The following KTN1 variants were observed in gnomAD, a reference collection of about 807,000 sequenced individuals.
The protein encoded by KTN1 is kinectin.
In KTN1, 130 loss-of-function variants were observed where a neutral mutation model predicts 222.5. That is an observed-to-expected ratio of 0.58 (90% CI 0.51 to 0.68). KTN1 has a LOEUF of 0.68. Among genes scored for constraint, KTN1 ranks in the 30% least tolerant of loss-of-function variants. The pLI, the probability that KTN1 is intolerant of heterozygous loss-of-function variation, is 0.00. For synonymous variants in KTN1, 512 were observed against 496.3 expected, an observed-to-expected ratio of 1.03 and a Z score of -0.42; for missense variants, 1,508 against 1,500.4, an observed-to-expected ratio of 1.01 and a Z score of -0.08.
intron 1 of KTN1, among the ~76,000 whole-genome samples, chr14:55,597,072 A>AC (rs2035171946): frequency 6.6e-6 from 1 of 152,126 alleles, no homozygotes; most frequent in African/African-American, 2.4e-5. Flanking sequence ...TGAAAAAAAA[A>AC]ATCCAAAGGG....
chr14:55,637,069 A>C, intron 10 of KTN1, 129 bp from the exon 11 acceptor site: 1 of 597,842 alleles, frequency 1.7e-6, no homozygotes. Context: ...CTGCTACAGG[A>C]GCATGCAAGA....
chr14:55,662,911 A>G (rs1293816911), intron 32 of KTN1: 1 of 456,104 alleles, frequency 2.2e-6, no homozygotes, highest in Non-Finnish European at 4.4e-6. Flanking sequence ...TAAGGAGGGC[A>G]TGGTAATGCA....
intron 6 of KTN1, among the ~76,000 whole-genome samples, chr14:55,629,654 G>A (rs1471927754): frequency 6.6e-6 from 1 of 152,154 alleles, no homozygotes; most frequent in Non-Finnish European, 1.5e-5. Flanking sequence ...GTGTAATCAA[G>A]TTAGAATGTA....
chr14:55,592,709 TCA>T (rs1175968981), intron 1 of KTN1, among the ~76,000 whole-genome samples: 1 of 152,240 alleles, frequency 6.6e-6, no homozygotes. Context: ...TGTAAATATT[TCA>T]CAGTGATGCC....
intron 31 of KTN1, chr14:55,661,301 G>A (rs1224231016): frequency 4.9e-6 from 2 of 411,598 alleles, no homozygotes; most frequent in Non-Finnish European, 8.6e-6. Context: ...GCACAAGCCT[G>A]AGCATACCAT....
chr14:55,616,128 A>G (rs1233850084), intron 2 of KTN1, among the ~76,000 whole-genome samples: 1 of 151,848 alleles, frequency 6.6e-6, no homozygotes, highest in East Asian at 1.9e-4. Flanking sequence ...ATGAGGTTTC[A>G]CCACTTTGCC....
intron 32 of KTN1, 89 bp downstream of exon 32, chr14:55,661,701 A>C (rs2044159978): frequency 6.2e-6 from 4 of 644,764 alleles, no homozygotes. Context: ...ATCTACTTTT[A>C]CTTTAGATTT....
chr14:55,668,263 A>G (rs1476567536), intron 34 of KTN1: 5 of 151,978 alleles, frequency 3.3e-5, no homozygotes, highest in Non-Finnish European at 5.9e-5. Context: ...TTTAATCAGG[A>G]TCCGAATAAG....
intron 5 of KTN1, among the ~76,000 whole-genome samples, chr14:55,622,555 A>C (rs1473055695): frequency 6.6e-6 from 1 of 152,078 alleles, no homozygotes; most frequent in East Asian, 1.9e-4. Flanking sequence ...TCTGCTATTC[A>C]ATATTAGATG....
chr14:55,637,390 T>A (rs12433724), intron 11 of KTN1, 26 bp downstream of exon 11: 121,158 of 1,316,918 alleles, frequency 0.092, 4,178 homozygotes, highest in African/African-American at 0.17. Flanking sequence ...TTTTTTTTTT[T>A]AAAAAAATAC....
At chr14:55,644,503 G>C in intron 18 of KTN1, 1 of 668,122 alleles carries the variant, frequency 1.5e-6, no homozygotes, top group Non-Finnish European at 2.8e-6. Flanking sequence ...TAGGCTTGCA[G>C]ATGGTCAGAT....
rs2040053452 is a variant in KTN1 at position 55,627,957 on chromosome 14, A to G, written c.1009A>G (p.Lys337Glu). The G allele has an allele frequency of 6.2e-7, 1 of 1,613,952 alleles. No homozygotes were observed. Among genetic ancestry groups the G allele is most frequent in the Non-Finnish European group, 8.5e-7 (1 of 1,179,846 alleles). ...TACGCTTATACATCAGCTTCAAGAAAAGGACAAGTTACTCGCTGCTGTGAA... is the reference window on the plus strand; with the variant it reads ...TACGCTTATACATCAGCTTCAAGAAGAGGACAAGTTACTCGCTGCTGTGAA... ...LTTLIHQLQE[K>E]DKLLAAVKED... Residue 337 changes from lysine to glutamate, a missense_variant, in exon 6 of 44, where the codon AAG (lysine) becomes GAG (glutamate). By Grantham distance (56) the Lys-to-Glu change is moderately conservative. Coordinates refer to ENST00000395314, the MANE Select transcript of KTN1 (RefSeq NM_001079521.2).
rs536026007 is a variant in KTN1, at chr14:55,662,842, G to A, written c.3091-1113G>A. ...GCATTGCTTAGCCACAAAACTTGAG[G>A]TGAACTTGCCGATATACTGCTAACA... On this transcript the variant is annotated intron_variant, in intron 32 of 43. Transcript: ENST00000395314. 5.3e-4 allele frequency: 243 copies of A among 455,940 alleles called. 1 individual carries two copies. Among genetic ancestry groups the A allele is most frequent in the African/African-American group, 4.4e-3 (220 of 50,194 alleles). The allele number at this position is 455,940 out of a possible 1,614,324, so 28.2% of individuals were successfully genotyped here.
intron 31 of KTN1, among the ~76,000 whole-genome samples, chr14:55,660,216 C>A (rs150846516): frequency 6.6e-6 from 1 of 151,896 alleles, no homozygotes; most frequent in African/African-American, 2.4e-5. Context: ...CTCGTCTCTA[C>A]GAAAAGTTTA....
rs534439479 is a variant in KTN1, at chr14:55,580,253, TGCGGCG to T, written c.-110_-105del. 0.3 allele frequency: 46,165 copies of T among 153,386 alleles called. 7,441 individuals are homozygous for T. The highest frequency in any genetic ancestry group is 0.38 in the South Asian group (2,057 of 5,480). The allele number at this position is 153,386 out of a possible 1,614,324, so 9.5% of individuals were successfully genotyped here. A position where few individuals can be genotyped will look rare whatever the true frequency, so the allele number is the denominator to read the frequency against. ...AGCGGCGCGACGGCACCTGAGCGAC[TGCGGCG>T]GCGGCGGCGGCGGCGGCGGCGCCTC... is the stretch of plus-strand genomic sequence containing the variant. On this transcript the variant is annotated 5_prime_UTR_variant, in exon 1 of 44. Coordinates refer to ENST00000395314, the MANE Select transcript of KTN1 (RefSeq NM_001079521.2).
rs781149326 is a variant in KTN1 at position 55,612,486 on chromosome 14, C to G, written c.438C>G (p.Val146=). The change falls in exon 2 of 44, where the codon GTC becomes GTG. Residue 146 remains valine (V), a synonymous_variant. Coordinates refer to ENST00000395314, the MANE Select transcript of KTN1 (RefSeq NM_001079521.2). ...SKIPGKKVEP[V]PVTKQPTPPS... Reference sequence around the variant, plus strand: ...TTCCTGGCAAAAAAGTAGAACCTGTCCCAGTTACTAAACAGCCCACCCCTC... The same window carrying G: ...TTCCTGGCAAAAAAGTAGAACCTGTGCCAGTTACTAAACAGCCCACCCCTC... 1 of 1,614,038 alleles carries G rather than the reference C, an allele frequency of 6.2e-7. No homozygotes were observed. Among genetic ancestry groups the G allele is most frequent in the South Asian group, 1.1e-5 (1 of 91,050 alleles).
intron 1 of KTN1, among the ~76,000 whole-genome samples, chr14:55,600,671 G>C (rs2035838584): frequency 1.3e-5 from 2 of 152,246 alleles, no homozygotes; most frequent in South Asian, 4.1e-4. Flanking sequence ...TAGATTTTAA[G>C]GGGAGGAAAG....
intron 28 of KTN1, among the ~76,000 whole-genome samples, chr14:55,655,547 T>G (rs916110287): frequency 9.9e-5 from 15 of 152,204 alleles, no homozygotes; most frequent in African/African-American, 2.9e-4. Flanking sequence ...GATGGTGGTG[T>G]TATGCTAGCG....
chr14:55,647,100 T>A, intron 19 of KTN1, 93 bp downstream of exon 19: 1 of 836,576 alleles, frequency 1.2e-6, no homozygotes, highest in Non-Finnish European at 2.0e-6. Context: ...TTAAACTTTG[T>A]AATGGAAGAA....
Sources: gnomAD v4.1 joint callset for allele counts (sites outside exome capture counted in the v4.1 genomes callset) on GRCh38, gnomAD v4.1.1 for gene constraint, MANE v1.5 for transcripts, NCBI Gene and HGNC (gene_info 2026-07-23, HGNC 2026-07-21) for gene names.